The following PRELID2 variants were observed in gnomAD, a reference collection of about 807,000 sequenced individuals.
PRELID2 encodes PRELI domain containing 2.
A neutral mutation model predicts 28.4 loss-of-function variants in PRELID2; 25 were observed. The ratio of observed to expected loss-of-function variants is 0.88; its 90% CI spans 0.64 to 1.23. The LOEUF is 1.23. Ranked by LOEUF, PRELID2 falls within the 50% of genes most tolerant of loss-of-function variation. The pLI is 0.00. For synonymous variants in PRELID2, 76 were observed against 71.6 expected (o/e 1.06, Z -0.31); for missense variants, 201 against 214.4 (o/e 0.94, Z 0.39).
chr5:145,784,843 A>G (rs909516351), intron 5 of PRELID2, among the ~76,000 whole-genome samples: 1 of 151,882 alleles, frequency 6.6e-6, no homozygotes, highest in Admixed American at 6.6e-5. Flanking sequence ...ATGAACAGAC[A>G]TATAAAAAGA....
chr5:145,343,523 C>A, the PRELID2 span, among the ~76,000 whole-genome samples: 1 of 150,396 alleles, frequency 6.6e-6, no homozygotes, highest in South Asian at 2.1e-4. Flanking sequence ...AAAAGTAGTA[C>A]TGAGGGAAAT....
chr5:145,261,846 T>C, the PRELID2 span, among the ~76,000 whole-genome samples: 1 of 152,288 alleles, frequency 6.6e-6, no homozygotes, highest in Admixed American at 6.5e-5. Flanking sequence ...ATGAAATCTC[T>C]GAATTGCCAG....
intron 1 of PRELID2, among the ~76,000 whole-genome samples, chr5:145,483,963 G>T (rs1752190229): frequency 1.3e-5 from 2 of 152,164 alleles, no homozygotes; most frequent in Admixed American, 1.3e-4. Flanking sequence ...CTTCAGTAAA[G>T]ATTTATTGAA....
the PRELID2 span, among the ~76,000 whole-genome samples, chr5:145,240,363 T>C: frequency 6.6e-6 from 1 of 152,002 alleles, no homozygotes; most frequent in Non-Finnish European, 1.5e-5. Context: ...ATTTTGTTTC[T>C]GTCTTTTCCA....
the PRELID2 span, among the ~76,000 whole-genome samples, chr5:145,453,399 G>A: frequency 6.6e-6 from 1 of 152,090 alleles, no homozygotes; most frequent in African/African-American, 2.4e-5. Context: ...TATCTCAAAA[G>A]CAGTTCACTC....
chr5:145,323,423 T>C, the PRELID2 span, among the ~76,000 whole-genome samples: 17 of 152,306 alleles, frequency 1.1e-4, no homozygotes, highest in Non-Finnish European at 2.1e-4. Context: ...ACTTGTATTT[T>C]TTAAAGACGT....
chr5:145,452,097 T>C, the PRELID2 span, among the ~76,000 whole-genome samples: 2 of 152,210 alleles, frequency 1.3e-5, no homozygotes, highest in Admixed American at 1.3e-4. Context: ...CACTCTACAG[T>C]ACAATTCCCA....
chr5:145,619,338 G>A (rs1753742981), intron 1 of PRELID2, among the ~76,000 whole-genome samples: 1 of 152,208 alleles, frequency 6.6e-6, no homozygotes, highest in Non-Finnish European at 1.5e-5. Flanking sequence ...AGGCAGGAAT[G>A]GCCTGTGTGG....
chr5:145,292,671 AAC>A, the PRELID2 span, among the ~76,000 whole-genome samples: 2 of 152,046 alleles, frequency 1.3e-5, no homozygotes, highest in Non-Finnish European at 2.9e-5. Flanking sequence ...GAACATAAAA[AAC>A]AGTGTTTCTT....
chr5:145,488,722 C>T (rs1752243827), intron 1 of PRELID2, among the ~76,000 whole-genome samples: 1 of 152,138 alleles, frequency 6.6e-6, no homozygotes, highest in Non-Finnish European at 1.5e-5. Flanking sequence ...ACATAGTAAA[C>T]ACTGAATAAA....
At chr5:145,271,907 G>C in the PRELID2 span, among the ~76,000 whole-genome samples, 1 of 152,220 alleles carries the variant, frequency 6.6e-6, no homozygotes, top group African/African-American at 2.4e-5. Flanking sequence ...CTGTTTGAAA[G>C]TCTCTTCAAA....
chr5:145,742,303 T>G (rs1756849656), intron 1 of PRELID2, among the ~76,000 whole-genome samples: 1 of 122,680 alleles, frequency 8.2e-6, no homozygotes, highest in Non-Finnish European at 1.6e-5. Context: ...TATAAATATT[T>G]ATATATATAA....
At chr5:145,785,455 G>C (rs1751932371) in intron 5 of PRELID2, among the ~76,000 whole-genome samples, 1 of 152,182 alleles carries the variant, frequency 6.6e-6, no homozygotes, top group African/African-American at 2.4e-5. Context: ...AAATACTTCA[G>C]CACATGATGT....
the PRELID2 span, among the ~76,000 whole-genome samples, chr5:145,298,711 A>G: frequency 2.6e-5 from 4 of 152,246 alleles, no homozygotes; most frequent in South Asian, 8.3e-4. Context: ...CAGCCTCCAG[A>G]ACTGTGAGCC....
At chr5:145,701,417 T>C (rs932485128) in intron 1 of PRELID2, among the ~76,000 whole-genome samples, 1 of 152,220 alleles carries the variant, frequency 6.6e-6, no homozygotes, top group African/African-American at 2.4e-5. Flanking sequence ...AAAAAATTAA[T>C]GTAATTGCTT....
chr5:145,269,186 T>C, the PRELID2 span, among the ~76,000 whole-genome samples: 3 of 152,098 alleles, frequency 2.0e-5, no homozygotes, highest in Admixed American at 1.3e-4. Context: ...GTAGAATTCA[T>C]GTGAAAATGC....
intron 1 of PRELID2, among the ~76,000 whole-genome samples, chr5:145,737,669 G>A (rs1426467773): frequency 6.6e-6 from 1 of 152,140 alleles, no homozygotes; most frequent in Non-Finnish European, 1.5e-5. Flanking sequence ...AGGCAGAAAT[G>A]TTTAGAAGAT....
chr5:145,735,087 A>G (rs1240492216), intron 1 of PRELID2, among the ~76,000 whole-genome samples: 2 of 48,528 alleles, frequency 4.1e-5, no homozygotes, highest in African/African-American at 1.0e-4. Flanking sequence ...TCTACTAAAA[A>G]TACAAAAATT....
the PRELID2 span, among the ~76,000 whole-genome samples, chr5:145,291,335 C>CACAA: frequency 1.7e-4 from 10 of 57,476 alleles, no homozygotes; most frequent in African/African-American, 9.7e-4. Context: ...GACTCTGTTT[C>CACAA]AGAAAAAAAA....
Sources: allele counts gnomAD v4.1 joint callset (sites outside exome capture counted in the v4.1 genomes callset), GRCh38; gene constraint gnomAD v4.1.1; transcripts MANE v1.5; gene names NCBI Gene and HGNC (gene_info 2026-07-23, HGNC 2026-07-21).